FBXL17: variants seen among roughly 807,000 people sequenced by gnomAD.
FBXL17 encodes the protein F-box/LRR-repeat protein 17.
In FBXL17, 22 loss-of-function variants were observed where a neutral mutation model predicts 66.2. The ratio of observed to expected loss-of-function variants is 0.33; its 90% confidence interval spans 0.24 to 0.47. FBXL17 has a LOEUF of 0.47. Ranked by LOEUF, FBXL17 falls within the 20% of genes least tolerant of loss-of-function variation. The probability of loss-of-function intolerance (pLI) is 1.00; values close to 1 mark genes in which losing one functional copy is unlikely to be tolerated. For synonymous variants in FBXL17, 474 were observed against 400.5 expected, an observed-to-expected ratio of 1.18 and a Z score of -2.19; for missense variants, 878 against 948.2, an observed-to-expected ratio of 0.93 and a Z score of 0.97.
chr5:107,981,496 G>A (rs976423096), intron 7 of FBXL17, among the ~76,000 whole-genome samples: 1 of 152,204 alleles, frequency 6.6e-6, no homozygotes, highest in Non-Finnish European at 1.5e-5. Context: ...AAGAGCAGAG[G>A]TGGGAAGCTA....
chr5:108,222,918 C>G (rs1371770621), intron 5 of FBXL17, among the ~76,000 whole-genome samples: 5 of 152,050 alleles, frequency 3.3e-5, no homozygotes, highest in African/African-American at 7.2e-5. Context: ...AAGTGATTCA[C>G]CTGCCTCGGC....
intron 6 of FBXL17, among the ~76,000 whole-genome samples, chr5:108,118,324 A>G (rs558578285): frequency 1.3e-5 from 2 of 152,212 alleles, no homozygotes; most frequent in Admixed American, 1.3e-4. Flanking sequence ...CATGTTCAAA[A>G]CTGAGTCCAT....
At chr5:107,869,277 G>A (rs944119780) in intron 8 of FBXL17, among the ~76,000 whole-genome samples, 1 of 152,140 alleles carries the variant, frequency 6.6e-6, no homozygotes, top group Non-Finnish European at 1.5e-5. Flanking sequence ...GCGTTTCTTG[G>A]CTCTCTGGGA....
At chr5:107,875,255 C>T (rs1748585956) in intron 8 of FBXL17, among the ~76,000 whole-genome samples, 1 of 152,092 alleles carries the variant, frequency 6.6e-6, no homozygotes, top group Non-Finnish European at 1.5e-5. Flanking sequence ...GGCTGAATTG[C>T]TACCAAAACA....
intron 7 of FBXL17, among the ~76,000 whole-genome samples, chr5:107,907,930 C>A (rs1749819033): frequency 6.6e-6 from 1 of 152,188 alleles, no homozygotes; most frequent in Non-Finnish European, 1.5e-5. Context: ...TTTGACCCAG[C>A]CATCCCATTA....
chr5:107,879,669 C>T, intron 8 of FBXL17: 1 of 985,456 alleles, frequency 1.0e-6, no homozygotes, highest in Non-Finnish European at 1.2e-6. Context: ...ACATTTGCTA[C>T]ATTTAGAAGA....
intron 7 of FBXL17, among the ~76,000 whole-genome samples, chr5:107,934,734 A>C (rs930127266): frequency 6.6e-6 from 1 of 152,162 alleles, no homozygotes; most frequent in Non-Finnish European, 1.5e-5. Flanking sequence ...ACTGTATTTC[A>C]GACAGGCCAT....
At chr5:108,286,774 G>GA (rs1046959907) in intron 4 of FBXL17, among the ~76,000 whole-genome samples, 13 of 151,846 alleles carry the variant, frequency 8.6e-5, no homozygotes, top group African/African-American at 2.7e-4. Context: ...CACAGAATTA[G>GA]AAAAAAACTA....
intron 4 of FBXL17, among the ~76,000 whole-genome samples, chr5:108,306,253 G>C (rs578253657): frequency 1.3e-5 from 2 of 152,136 alleles, no homozygotes; most frequent in East Asian, 3.9e-4. Context: ...TAGGCCTAAA[G>C]ACTTAATCAA....
chr5:107,986,395 A>C (rs182972854), intron 7 of FBXL17, among the ~76,000 whole-genome samples: 209 of 151,922 alleles, frequency 1.4e-3, no homozygotes, highest in Non-Finnish European at 2.6e-3. Flanking sequence ...TTAAATATAA[A>C]GAAAAAAGCA....
chr5:108,007,758 G>A (rs1580319472), intron 7 of FBXL17, among the ~76,000 whole-genome samples: 1 of 152,200 alleles, frequency 6.6e-6, no homozygotes, highest in East Asian at 1.9e-4. Context: ...GTCTAGGAAC[G>A]AAGATGAAGC....
intron 7 of FBXL17, among the ~76,000 whole-genome samples, chr5:107,932,316 CTTAA>C (rs1047475038): frequency 2.6e-5 from 4 of 152,014 alleles, no homozygotes; most frequent in South Asian, 2.1e-4. Context: ...TAGTAGTACT[CTTAA>C]TTAATACTAG....
At chr5:107,996,763 G>T (rs1261650914) in intron 7 of FBXL17, among the ~76,000 whole-genome samples, 1 of 152,184 alleles carries the variant, frequency 6.6e-6, no homozygotes, top group African/African-American at 2.4e-5. Context: ...TAAAAAATGT[G>T]CCTGTCTTCA....
At chr5:108,050,387 A>G (rs1747424960) in intron 6 of FBXL17, among the ~76,000 whole-genome samples, 2 of 152,222 alleles carry the variant, frequency 1.3e-5, no homozygotes, top group African/African-American at 4.8e-5. Context: ...GTGCAATCAA[A>G]TTAGAACTCA....
rs149067198 is a variant in FBXL17, at chr5:108,335,835, A to G, written c.1506+12564T>C. ...TAAATATATTTTAATGTATGAAAAA[A>G]GATTATTCTTATATACTTGGACTAA... is the stretch of plus-strand genomic sequence containing the variant. On this transcript the variant is annotated intron_variant, in intron 4 of 8. Coordinates refer to ENST00000542267, the MANE Select transcript of FBXL17 (RefSeq NM_001163315.3). Among the ~76,000 whole-genome samples, 418 of 152,322 alleles carry G rather than the reference A, an allele frequency of 2.7e-3. 4 individuals are homozygous for G. The highest frequency in any genetic ancestry group is 9.6e-3 in the African/African-American group (399 of 41,570).
chr5:108,286,568 A>G (rs1480127625), intron 4 of FBXL17, among the ~76,000 whole-genome samples: 5 of 152,068 alleles, frequency 3.3e-5, no homozygotes, highest in African/African-American at 4.8e-5. Context: ...TAAAATACCA[A>G]GGAATACAGC....
At chr5:108,337,614 A>G (rs1580843656) in intron 4 of FBXL17, among the ~76,000 whole-genome samples, 1 of 152,022 alleles carries the variant, frequency 6.6e-6, no homozygotes, top group African/African-American at 2.4e-5. Flanking sequence ...CTCAAAGAGT[A>G]TTTGCGAAAA....
At chr5:107,980,338 C>T (rs1433132677) in intron 7 of FBXL17, among the ~76,000 whole-genome samples, 1 of 151,862 alleles carries the variant, frequency 6.6e-6, no homozygotes, top group African/African-American at 2.4e-5. Flanking sequence ...TCATGACTAC[C>T]CTTCAATTAA....
chr5:108,367,196 T>A (rs952676456), intron 2 of FBXL17, among the ~76,000 whole-genome samples: 16 of 152,124 alleles, frequency 1.1e-4, no homozygotes, highest in African/African-American at 3.9e-4. Context: ...CATCAAGTTT[T>A]AAAAATGGAA....
Sources: allele counts gnomAD v4.1 joint callset (sites outside exome capture counted in the v4.1 genomes callset), GRCh38; gene constraint gnomAD v4.1.1; transcripts MANE v1.5; gene names NCBI Gene and HGNC (gene_info 2026-07-23, HGNC 2026-07-21).